The following UTP20 variants were observed in gnomAD, a reference collection of about 807,000 sequenced individuals.
UTP20 encodes small subunit processome component 20 homolog.
UTP20 carries 164 observed loss-of-function variants against 329.5 expected under a neutral mutation model. That is an observed-to-expected ratio of 0.50 (90% CI 0.44 to 0.57). The LOEUF (loss-of-function observed/expected upper bound fraction) is 0.57. Among genes scored for constraint, UTP20 ranks in the 20% least tolerant of loss-of-function variants. The pLI, the probability that UTP20 is intolerant of heterozygous loss-of-function variation, is 0.00. For missense variants in UTP20, 3,055 were observed against 3,284.2 expected (o/e 0.93, Z 1.71); for synonymous variants, 1,151 against 1,159.3 (o/e 0.99, Z 0.14).
intron 22 of UTP20, 66 bp from the exon 23 acceptor site, chr12:101,319,479 T>C: frequency 8.2e-7 from 1 of 1,222,244 alleles, no homozygotes; most frequent in Non-Finnish European, 1.2e-6. Context: ...AAATTGTAGA[T>C]GTCAGTTTAA....
intron 15 of UTP20, among the ~76,000 whole-genome samples, chr12:101,304,699 C>A (rs867556073): frequency 3.5e-4 from 53 of 152,184 alleles, no homozygotes; most frequent in African/African-American, 1.2e-3. Context: ...CTGCTGAGCC[C>A]CCTGCAGTGG....
chr12:101,383,257 A>C lies in UTP20; in HGVS notation c.7873A>C (p.Lys2625Gln), dbSNP rs759679612. 1 of 1,614,166 alleles carries C rather than the reference A, an allele frequency of 6.2e-7. No homozygotes were observed. The highest frequency in any genetic ancestry group is 2.2e-5 in the East Asian group (1 of 44,892). The change falls in exon 59 of 62, where the codon AAG becomes CAG. Residue 2625 changes from lysine (K) to glutamine (Q), a missense_variant. Physicochemically the swap from Lys to Gln is moderately conservative, Grantham distance 53 (BLOSUM62 1). Coordinates refer to ENST00000261637, the MANE Select transcript of UTP20 (RefSeq NM_014503.3). ...RPATLLWLIQKLSRIAKLEAA... is the reference protein window; with the variant it reads ...RPATLLWLIQQLSRIAKLEAA... ...GGCCACGCTGCTGTGGTTGATCCAGAAGCTGTCCCGGATTGCAAAACTGGA... is the reference window on the plus strand; with the variant it reads ...GGCCACGCTGCTGTGGTTGATCCAGCAGCTGTCCCGGATTGCAAAACTGGA...
Position 101,329,467 on chromosome 12 carries a change from T to C in UTP20, c.3417+18T>C. 6.3e-7 allele frequency: 1 copy of C among 1,598,038 alleles called. No homozygotes were observed. The highest frequency in any genetic ancestry group is 8.6e-7 in the Non-Finnish European group (1 of 1,166,790). On this transcript the variant is annotated intron_variant, in intron 27 of 61. Coordinates refer to ENST00000261637, the MANE Select transcript of UTP20 (RefSeq NM_014503.3). ...GAGAAAAGGTTAGATTCACTATAGATGCTTTCAAGTCAAGTGCTTGAACTG... is the reference window on the plus strand; with the variant it reads ...GAGAAAAGGTTAGATTCACTATAGACGCTTTCAAGTCAAGTGCTTGAACTG...
chr12:101,349,418 C>CTTT (rs775265689), intron 38 of UTP20, among the ~76,000 whole-genome samples: 2 of 138,660 alleles, frequency 1.4e-5, no homozygotes, highest in East Asian at 4.3e-4. Flanking sequence ...TTTTTTCTTT[C>CTTT]TTTTTTTTTT....
chr12:101,346,059 T>C (rs993671906), intron 37 of UTP20, among the ~76,000 whole-genome samples: 1 of 150,032 alleles, frequency 6.7e-6, no homozygotes, highest in African/African-American at 2.4e-5. Context: ...ATCTTTGTCT[T>C]TTTTTTTTTG....
At chr12:101,306,621 T>C in intron 16 of UTP20, 78 bp from the exon 17 acceptor site, 1 of 1,362,244 alleles carries the variant, frequency 7.3e-7, no homozygotes, top group Non-Finnish European at 1.0e-6. Flanking sequence ...GTATAAAACT[T>C]AAATCTTGCT....
intron 61 of UTP20, 80 bp from the exon 62 acceptor site, chr12:101,385,888 T>C: frequency 6.9e-7 from 1 of 1,453,782 alleles, no homozygotes. Context: ...ATGTGTTTTT[T>C]ACATTTATTT....
chr12:101,359,150 A>G (rs891534359), intron 43 of UTP20, among the ~76,000 whole-genome samples: 2 of 151,634 alleles, frequency 1.3e-5, no homozygotes, highest in Admixed American at 1.3e-4. Context: ...TACAACCTCC[A>G]CTTCTCGGGT....
intron 38 of UTP20, 103 bp downstream of exon 38, chr12:101,346,691 A>C (rs1313886387): frequency 8.3e-7 from 1 of 1,201,860 alleles, no homozygotes; most frequent in African/African-American, 1.6e-5. Flanking sequence ...TGTCATCACC[A>C]TAATTAGAGG....
At chr12:101,288,724 C>T (rs1008517501) in intron 5 of UTP20, among the ~76,000 whole-genome samples, 2 of 152,190 alleles carry the variant, frequency 1.3e-5, no homozygotes, top group African/African-American at 4.8e-5. Context: ...TCAACTTTTC[C>T]TGGAGTCTTG....
chr12:101,326,558 T>C (rs1425454596), intron 25 of UTP20, among the ~76,000 whole-genome samples: 3 of 152,064 alleles, frequency 2.0e-5, no homozygotes, highest in Non-Finnish European at 4.4e-5. Flanking sequence ...AGCTTTTTCA[T>C]TGAACTGTTT....
intron 56 of UTP20, among the ~76,000 whole-genome samples, chr12:101,379,168 T>C (rs1870566796): frequency 6.6e-6 from 1 of 152,330 alleles, no homozygotes; most frequent in African/African-American, 2.4e-5. Flanking sequence ...ACTAAACTTA[T>C]TCCTTCTATC....
At position 101,375,755 on chromosome 12, in the gene UTP20, GAGTA is replaced by G. The variant is rs779454470; in HGVS notation, c.7396+4_7396+7del. On this transcript the variant is annotated splice_donor_variant and splice_donor_region_variant and coding_sequence_variant and intron_variant, in exon 56 of 62. Transcript: ENST00000261637. LOFTEE classifies it high-confidence loss of function. ...CCGCTGAGACTTTGAGTAAAATCTG[GAGTA>G]AGTATTTCCTTTTTTATTTAAATCA... 16 of 1,529,546 alleles carry G rather than the reference GAGTA, an allele frequency of 1.0e-5. No individual in the cohort carries two copies. Among genetic ancestry groups the G allele is most frequent in the East Asian group, 4.5e-5 (2 of 44,082 alleles). The allele number at this position is 1,529,546 out of a possible 1,614,324, so 94.7% of individuals were successfully genotyped here. A position where few individuals can be genotyped will look rare whatever the true frequency, so the allele number is the denominator to read the frequency against.
At chr12:101,329,598 G>A in intron 27 of UTP20, 149 bp downstream of exon 27, 1 of 758,684 alleles carries the variant, frequency 1.3e-6, no homozygotes, top group South Asian at 2.4e-5. Context: ...AATGATTTAA[G>A]TGAAAATAAA....
At chr12:101,281,799 G>A (rs549069665) in intron 2 of UTP20, among the ~76,000 whole-genome samples, 54 of 152,216 alleles carry the variant, frequency 3.5e-4, no homozygotes, top group African/African-American at 1.3e-3. Context: ...CCACCTCCCA[G>A]GTTTAAGCGA....
chr12:101,376,827 T>C (rs1166542366), intron 56 of UTP20, among the ~76,000 whole-genome samples: 1 of 152,126 alleles, frequency 6.6e-6, no homozygotes, highest in African/African-American at 2.4e-5. Context: ...TTTTGTATTT[T>C]TGTAGAGATG....
rs1872625511 is a variant in UTP20 at position 101,305,612 on chromosome 12, TA to T, written c.1782-302del. Among the ~76,000 whole-genome samples, 3 of 99,586 alleles carry T rather than the reference TA, an allele frequency of 3.0e-5. No homozygotes were observed. The African/African-American group carries it at 3.4e-4, about 11-fold the overall frequency. 65.3% of individuals were successfully genotyped at this position (99,586 alleles called of 152,430 possible). On this transcript the variant is annotated intron_variant, in intron 15 of 61. Coordinates refer to ENST00000261637, the MANE Select transcript of UTP20 (RefSeq NM_014503.3). ...AAAATATAAATTAAATAATAAATAT[TA>T]TATATATATATATATAAGTGGCTGT...
chr12:101,368,722 T>G (rs1870181107), intron 48 of UTP20, among the ~76,000 whole-genome samples: 1 of 152,220 alleles, frequency 6.6e-6, no homozygotes, highest in African/African-American at 2.4e-5. Flanking sequence ...GAGGCATATA[T>G]TCTTACTATT....
Position 101,373,566 on chromosome 12 carries a change from C to T in UTP20, c.6949-19C>T, listed in dbSNP as rs3765072. The T allele has an allele frequency of 0.011, 17,419 of 1,610,992 alleles. 355 individuals are homozygous for T. Among genetic ancestry groups the T allele is most frequent in the East Asian group, 0.078 (3,496 of 44,818 alleles). On this transcript the variant is annotated intron_variant, in intron 53 of 61. Coordinates refer to ENST00000261637, the MANE Select transcript of UTP20 (RefSeq NM_014503.3). ...AGGAATTCCACTCTGAGTGCTCACA[C>T]GTGCCTCTTTTCTTTTAGGGGCTGC...
Sources: gnomAD v4.1 joint callset for allele counts (sites outside exome capture counted in the v4.1 genomes callset) on GRCh38, gnomAD v4.1.1 for gene constraint, MANE v1.5 for transcripts, NCBI Gene and HGNC (gene_info 2026-07-23, HGNC 2026-07-21) for gene names.